VAV2: variants seen among roughly 807,000 people sequenced by gnomAD.
VAV2 encodes vav guanine nucleotide exchange factor 2.
Under a neutral mutation model 132.5 loss-of-function variants are expected in VAV2, and 67 were observed. The observed-to-expected ratio is 0.51, with a 90% CI of 0.42 to 0.62. VAV2 has a LOEUF of 0.62. Among genes scored for constraint, VAV2 ranks in the 20% least tolerant of loss-of-function variants. VAV2 has a pLI of 0.00. For missense variants in VAV2, 938 were observed against 1,153.6 expected (o/e 0.81, Z 2.71); for synonymous variants, 492 against 443.5 (o/e 1.11, Z -1.37).
chr9:133,991,998 G>T lies in VAV2; in HGVS notation c.204+77C>A. 1.1e-5 allele frequency: 14 copies of T among 1,219,598 alleles called. No individual in the cohort carries two copies. Among genetic ancestry groups the T allele is most frequent in the Non-Finnish European group, 1.5e-5 (14 of 963,254 alleles). The allele number at this position is 1,219,598 out of a possible 1,614,324, so 75.5% of individuals were successfully genotyped here. ...AGGGCGCCTGGGCCGCCGCCGCTGC[G>T]ACCTCCGCGTTCAGTCCGCGCGTCG... On this transcript the variant is annotated intron_variant, in intron 1 of 29. Transcript: ENST00000371850. This position sits in a 1 kb window ranked among gnomAD's most constrained non-coding sequence, Gnocchi z 4.8.
At chr9:133,891,062 T>C (rs1838910636) in intron 2 of VAV2, among the ~76,000 whole-genome samples, 2 of 151,286 alleles carry the variant, frequency 1.3e-5, no homozygotes, top group South Asian at 4.2e-4. Flanking sequence ...GAGTGAAAAA[T>C]GTAAAAAAGG....
chr9:133,874,011 C>T (rs1298472095), intron 2 of VAV2, among the ~76,000 whole-genome samples: 1 of 146,650 alleles, frequency 6.8e-6, no homozygotes, highest in Non-Finnish European at 1.5e-5. Context: ...CCCTCAAAAC[C>T]CCCCACGAGA....
chr9:133,820,328 T>C (rs1177329563), intron 4 of VAV2, among the ~76,000 whole-genome samples: 2 of 134,132 alleles, frequency 1.5e-5, no homozygotes, highest in Non-Finnish European at 3.0e-5. Context: ...TTTTTCTTTT[T>C]CTTTTTTTTT....
intron 1 of VAV2, among the ~76,000 whole-genome samples, chr9:133,984,075 C>A (rs370869): frequency 6.6e-6 from 1 of 151,842 alleles, no homozygotes; most frequent in African/African-American, 2.4e-5. Context: ...GGGTTCAAGC[C>A]ATTCTCCTGC....
Position 133,769,193 on chromosome 9 carries a change from G to A in VAV2, c.2434+224C>T, listed in dbSNP as rs572988430. 6.6e-6 allele frequency among the ~76,000 whole-genome samples: 1 copy of A among 152,346 alleles called. No homozygotes were observed. Among genetic ancestry groups the A allele is most frequent in the South Asian group, 2.1e-4 (1 of 4,824 alleles). ...ATCAGGGTGGGCGTGTCCACAGGGG[G>A]TGGGTGGTGACAATGGCAGGGCCAA... On this transcript the variant is annotated intron_variant, in intron 28 of 29. Coordinates refer to ENST00000371850, the MANE Select transcript of VAV2 (RefSeq NM_001134398.2). This position sits in a 1 kb window ranked among gnomAD's most constrained non-coding sequence, Gnocchi z 8.1.
At chr9:133,986,508 T>G (rs865981293) in intron 1 of VAV2, among the ~76,000 whole-genome samples, 1 of 152,164 alleles carries the variant, frequency 6.6e-6, no homozygotes, top group South Asian at 2.1e-4. Flanking sequence ...GTTGGCTGGA[T>G]GGAGACGGAT....
chr9:133,980,018 C>A (rs1319952074), intron 1 of VAV2, among the ~76,000 whole-genome samples: 1 of 152,214 alleles, frequency 6.6e-6, no homozygotes, highest in Non-Finnish European at 1.5e-5. Context: ...CTCAATGCCA[C>A]GAGCCAGTGC....
At chr9:133,974,792 G>A (rs1463265431) in intron 1 of VAV2, among the ~76,000 whole-genome samples, 2 of 30,514 alleles carry the variant, frequency 6.6e-5, no homozygotes, top group Non-Finnish European at 1.5e-4. Flanking sequence ...CTGCACCATG[G>A]ACAGACAGGT....
intron 9 of VAV2, among the ~76,000 whole-genome samples, chr9:133,800,486 G>A (rs1052106002): frequency 1.1e-4 from 17 of 152,176 alleles, no homozygotes; most frequent in African/African-American, 3.6e-4. Flanking sequence ...GCTCGGGCCC[G>A]AGGGACACCA....
At chr9:133,767,946 G>A (rs1833490265) in intron 29 of VAV2, among the ~76,000 whole-genome samples, 1 of 152,122 alleles carries the variant, frequency 6.6e-6, no homozygotes, top group South Asian at 2.1e-4. Flanking sequence ...GCACTCTTAG[G>A]CCCACCTGGC....
At chr9:133,931,950 ACAGT>A (rs761266151) in intron 2 of VAV2, among the ~76,000 whole-genome samples, 3 of 152,180 alleles carry the variant, frequency 2.0e-5, no homozygotes, top group Non-Finnish European at 4.4e-5. Flanking sequence ...CACATGGTAA[ACAGT>A]CAGTGCGCTG....
intron 3 of VAV2, among the ~76,000 whole-genome samples, chr9:133,854,057 C>T (rs1395400831): frequency 6.6e-6 from 1 of 151,968 alleles, no homozygotes; most frequent in Admixed American, 6.6e-5. Context: ...TACACACACA[C>T]TCCATGAACC....
intron 2 of VAV2, among the ~76,000 whole-genome samples, chr9:133,875,505 C>T (rs559227432): frequency 6.6e-6 from 1 of 152,270 alleles, no homozygotes; most frequent in Non-Finnish European, 1.5e-5. Context: ...CTGAGCAGCT[C>T]GAAGTGAGGG....
At chr9:133,878,341 CTG>C (rs898075788) in intron 2 of VAV2, among the ~76,000 whole-genome samples, 1 of 152,194 alleles carries the variant, frequency 6.6e-6, no homozygotes, top group Non-Finnish European at 1.5e-5. Flanking sequence ...ACGATCGAGG[CTG>C]TGTGTTTCTG....
intron 1 of VAV2, among the ~76,000 whole-genome samples, chr9:133,954,964 G>A (rs894371459): frequency 9.9e-5 from 15 of 152,236 alleles, no homozygotes; most frequent in Admixed American, 7.2e-4. Flanking sequence ...AATGTACTTC[G>A]TTTTCATTAT....
chr9:133,851,851 G>A (rs1837189740), intron 3 of VAV2, among the ~76,000 whole-genome samples: 1 of 150,162 alleles, frequency 6.7e-6, no homozygotes, highest in African/African-American at 2.5e-5. Flanking sequence ...ATGGGTGGAT[G>A]GATGGATGGA....
At chr9:133,940,320 C>A (rs1841091835) in intron 1 of VAV2, among the ~76,000 whole-genome samples, 1 of 152,174 alleles carries the variant, frequency 6.6e-6, no homozygotes, top group East Asian at 1.9e-4. Flanking sequence ...CCAGGATTGT[C>A]ATCCTCATCA....
Position 133,804,465 on chromosome 9 carries a change from G to A in VAV2, c.836+1616C>T, listed in dbSNP as rs1835057792. On this transcript the variant is annotated intron_variant, in intron 9 of 29. Coordinates refer to ENST00000371850, the MANE Select transcript of VAV2 (RefSeq NM_001134398.2). The surrounding 1 kb of genome is among the most constrained non-coding windows in gnomAD (Gnocchi z 4.5). The stretch of plus-strand genomic sequence containing the variant: ...GGAACCACCCATGCAAGGTCCTGCT[G>A]GTGGGACAGGGCCAGGGGTGTCGCC... Among the ~76,000 whole-genome samples the A allele has an allele frequency of 6.6e-6, 1 of 152,232 alleles. No homozygotes were observed. The highest frequency in any genetic ancestry group is 1.5e-5 in the Non-Finnish European group (1 of 68,032).
At position 133,884,483 on chromosome 9, in the gene VAV2, G is replaced by A. The variant is rs538330352; in HGVS notation, c.322-23051C>T. Among the ~76,000 whole-genome samples the A allele has an allele frequency of 6.6e-5, 10 of 152,202 alleles. No individual in the cohort carries two copies. The South Asian group carries it at 8.3e-4, about 13-fold the overall frequency. The stretch of plus-strand genomic sequence containing the variant: ...GGAGGGGGGTGCCAGCCTGGGGGGC[G>A]TGGTGGGGACTCCGCAAGCACTCAA... On this transcript the variant is annotated intron_variant, in intron 2 of 29. Transcript: ENST00000371850. The surrounding 1 kb of genome is among the most constrained non-coding windows in gnomAD (Gnocchi z 5.3).
Sources: gnomAD v4.1 joint callset for allele counts (sites outside exome capture counted in the v4.1 genomes callset) on GRCh38, gnomAD v4.1.1 for gene constraint, Gnocchi (gnomAD v3.1) non-coding constraint, MANE v1.5 for transcripts, NCBI Gene and HGNC (gene_info 2026-07-23, HGNC 2026-07-21) for gene names.